Variants in GALNT18 observed in about 807,000 individuals in gnomAD.
GALNT18 encodes GalNAc-transferase 18.
Under a neutral mutation model 69.5 loss-of-function variants are expected in GALNT18, and 44 were observed. That is an observed-to-expected ratio of 0.63 (90% CI 0.50 to 0.81). The LOEUF is 0.81. Ranked by LOEUF, GALNT18 falls within the 40% of genes least tolerant of loss-of-function variation. GALNT18 has a pLI of 0.00. For synonymous variants in GALNT18, 364 were observed against 318.2 expected, an observed-to-expected ratio of 1.14 and a Z score of -1.53; for missense variants, 715 against 810.0, an observed-to-expected ratio of 0.88 and a Z score of 1.42.
At chr11:11,612,958 G>A (rs1859948819) in intron 1 of GALNT18, among the ~76,000 whole-genome samples, 1 of 152,168 alleles carries the variant, frequency 6.6e-6, no homozygotes, top group Non-Finnish European at 1.5e-5. Flanking sequence ...TTTTAGCAGT[G>A]GCTCCATAAG....
chr11:11,375,711 G>A (rs1240978455), intron 5 of GALNT18, among the ~76,000 whole-genome samples: 4 of 152,328 alleles, frequency 2.6e-5, no homozygotes, highest in South Asian at 2.1e-4. Context: ...AGGTTGCGAT[G>A]ATGATCAAAT....
At chr11:11,571,922 G>A (rs1858802091) in intron 1 of GALNT18, among the ~76,000 whole-genome samples, 1 of 152,292 alleles carries the variant, frequency 6.6e-6, no homozygotes, top group Admixed American at 6.5e-5. Flanking sequence ...CTGCCCTGGG[G>A]AAACACAGTG....
At chr11:11,419,953 A>G (rs1453922646) in intron 3 of GALNT18, among the ~76,000 whole-genome samples, 1 of 152,170 alleles carries the variant, frequency 6.6e-6, no homozygotes, top group Non-Finnish European at 1.5e-5. Context: ...TCCCTCTTGC[A>G]GAGCCTTGGG....
At chr11:11,489,778 C>T (rs1018595967) in intron 1 of GALNT18, among the ~76,000 whole-genome samples, 10 of 152,116 alleles carry the variant, frequency 6.6e-5, no homozygotes, top group East Asian at 1.9e-4. Context: ...TTCCTTGTAG[C>T]AACCCAATAA....
chr11:11,293,542 T>TC (rs569817091), intron 9 of GALNT18, among the ~76,000 whole-genome samples: 20,682 of 135,320 alleles, frequency 0.15, 1,767 homozygotes, highest in East Asian at 0.22. Flanking sequence ...TCTTTTTTTT[T>TC]TTTTTTTTTT....
chr11:11,319,999 A>G (rs1372090105), intron 9 of GALNT18, among the ~76,000 whole-genome samples: 2 of 152,088 alleles, frequency 1.3e-5, no homozygotes, highest in Non-Finnish European at 2.9e-5. Flanking sequence ...AGTTAGTACT[A>G]CTATATTCTC....
intron 1 of GALNT18, among the ~76,000 whole-genome samples, chr11:11,572,494 C>G (rs990464240): frequency 6.6e-6 from 1 of 152,194 alleles, no homozygotes; most frequent in African/African-American, 2.4e-5. Context: ...TCCAAAGACA[C>G]CCAGCTTGGG....
intron 3 of GALNT18, among the ~76,000 whole-genome samples, chr11:11,381,137 A>G (rs992180163): frequency 6.6e-6 from 1 of 152,234 alleles, no homozygotes; most frequent in Non-Finnish European, 1.5e-5. Flanking sequence ...GGAGCAGCAT[A>G]ACTCAATATG....
In GALNT18 at chr11:11,475,991, A is replaced by T. The variant is rs143838654; in HGVS notation, c.236-27055T>A. The stretch of plus-strand genomic sequence containing the variant: ...ACGCATCCCATTCTCTAAGCTCAAA[A>T]CTTCCCTGCCTGTAAGGTGAGATGG... On this transcript the variant is annotated intron_variant, in intron 1 of 10. Transcript: ENST00000227756. 1.1e-3 allele frequency: 167 copies of T among 152,128 alleles called. 4 individuals carry two copies. The highest frequency in any genetic ancestry group is 3.9e-3 in the African/African-American group (161 of 41,512). The allele number at this position is 152,128 out of a possible 1,614,324, so 9.4% of individuals were successfully genotyped here. A position where few individuals can be genotyped will look rare whatever the true frequency, so the allele number is the denominator to read the frequency against.
In GALNT18 at chr11:11,560,887, C is replaced by T. The variant is rs113216966; in HGVS notation, c.235+60472G>A. On this transcript the variant is annotated intron_variant, in intron 1 of 10. Transcript: ENST00000227756. ...GAAAGGTGTTGTTTGGCAGAATTGCCACAACTCTGCCACTGGGGAGTGGCA... is the reference window on the plus strand; with the variant it reads ...GAAAGGTGTTGTTTGGCAGAATTGCTACAACTCTGCCACTGGGGAGTGGCA... Among the ~76,000 whole-genome samples the T allele has an allele frequency of 7.5e-3, 1,148 of 152,304 alleles. 14 individuals are homozygous for T. Among genetic ancestry groups the T allele is most frequent in the African/African-American group, 0.026 (1,099 of 41,562 alleles).
chr11:11,606,875 G>T lies in GALNT18; in HGVS notation c.235+14484C>A, dbSNP rs983397074. On this transcript the variant is annotated intron_variant, in intron 1 of 10. Coordinates refer to ENST00000227756, the MANE Select transcript of GALNT18 (RefSeq NM_198516.3). The surrounding 1 kb of genome is among the most constrained non-coding windows in gnomAD (Gnocchi z 5.4). The stretch of plus-strand genomic sequence containing the variant: ...TCAGGGTAGTCCTCAAGTTGCATTG[G>T]GTCTTGGATCCTTCAGCAAACAGTT... 6.6e-6 allele frequency among the ~76,000 whole-genome samples: 1 copy of T among 152,172 alleles called. No homozygotes were observed. The highest frequency in any genetic ancestry group is 1.5e-5 in the Non-Finnish European group (1 of 68,030).
In GALNT18 at chr11:11,417,105, C is replaced by G. The variant is rs1391775621; in HGVS notation, c.595+15516G>C. 2.3e-4 allele frequency among the ~76,000 whole-genome samples: 35 copies of G among 152,230 alleles called. 1 individual carries two copies. Among genetic ancestry groups the G allele is most frequent in the Admixed American group, 2.3e-3 (35 of 15,280 alleles). ...AATGTCTCAAGATTCAGGGAAGTGA[C>G]TCACCCAGGATGGCATCTGAGTCTA... is the stretch of plus-strand genomic sequence containing the variant. On this transcript the variant is annotated intron_variant, in intron 3 of 10. Transcript: ENST00000227756.
In GALNT18 at chr11:11,563,275, T is replaced by C. The variant is rs1369598182; in HGVS notation, c.235+58084A>G. 1.3e-5 allele frequency among the ~76,000 whole-genome samples: 2 copies of C among 152,144 alleles called. No homozygotes were observed. Among genetic ancestry groups the C allele is most frequent in the African/African-American group, 2.4e-5 (1 of 41,438 alleles). On this transcript the variant is annotated intron_variant, in intron 1 of 10. Transcript: ENST00000227756. The surrounding 1 kb of genome is among the most constrained non-coding windows in gnomAD (Gnocchi z 4.6). ...TTGGCTCTTCCTGGCTTTGTTCTCA[T>C]AGGGCAATTTCAGCTCCATCTGCAG...
At chr11:11,419,472 C>T (rs1245934056) in intron 3 of GALNT18, among the ~76,000 whole-genome samples, 2 of 151,702 alleles carry the variant, frequency 1.3e-5, no homozygotes, top group African/African-American at 2.4e-5. Context: ...TAGCGCACGC[C>T]TGTAATCCCA....
intron 1 of GALNT18, among the ~76,000 whole-genome samples, chr11:11,484,192 G>T (rs1366007093): frequency 3.3e-5 from 5 of 152,174 alleles, no homozygotes; most frequent in Non-Finnish European, 7.4e-5. Context: ...GAGTCAGGCT[G>T]CTCATCCGAA....
intron 1 of GALNT18, among the ~76,000 whole-genome samples, chr11:11,548,201 G>A (rs1236536525): frequency 1.3e-5 from 2 of 152,236 alleles, no homozygotes; most frequent in Non-Finnish European, 2.9e-5. Flanking sequence ...AGCCAGCACA[G>A]GCTGCAATCT....
rs11021875 is a variant in GALNT18 at position 11,485,609 on chromosome 11, C to T, written c.236-36673G>A. Among the ~76,000 whole-genome samples, 1,132 of 152,288 alleles carry T rather than the reference C, an allele frequency of 7.4e-3. 74 individuals are homozygous for T. In the East Asian group the frequency reaches 0.15, roughly 20 times the overall value. On this transcript the variant is annotated intron_variant, in intron 1 of 10. Transcript: ENST00000227756. Reference sequence around the variant, plus strand: ...GGAGAAGTCTTTGCAAGACCAATTTCATGAGTGCTGGCTGGCAGGTGGGCA... The same window carrying T: ...GGAGAAGTCTTTGCAAGACCAATTTTATGAGTGCTGGCTGGCAGGTGGGCA...
chr11:11,371,721 G>A (rs11021823), intron 6 of GALNT18, among the ~76,000 whole-genome samples: 1 of 151,992 alleles, frequency 6.6e-6, no homozygotes, highest in African/African-American at 2.4e-5. Context: ...TTCCTTCTAG[G>A]ACAAGATCCT....
chr11:11,611,509 T>G (rs12270025), intron 1 of GALNT18, among the ~76,000 whole-genome samples: 13,747 of 152,158 alleles, frequency 0.09, 668 homozygotes, highest in East Asian at 0.17. Flanking sequence ...TTTTACCCCG[T>G]TGCTAGGAGT....
Sources: gnomAD v4.1 joint callset for allele counts (sites outside exome capture counted in the v4.1 genomes callset) on GRCh38, gnomAD v4.1.1 for gene constraint, Gnocchi (gnomAD v3.1) non-coding constraint, MANE v1.5 for transcripts, NCBI Gene and HGNC (gene_info 2026-07-23, HGNC 2026-07-21) for gene names.